The following LRMDA variants were observed in gnomAD, a reference collection of about 807,000 sequenced individuals.
The protein encoded by LRMDA is leucine rich melanocyte differentiation associated.
In LRMDA, 18 loss-of-function variants were observed where a neutral mutation model predicts 29.8. The ratio of observed to expected loss-of-function variants is 0.60; its 90% confidence interval spans 0.42 to 0.90. LRMDA has a LOEUF of 0.90. Ranked by LOEUF, LRMDA falls within the 40% of genes least tolerant of loss-of-function variation. The probability of loss-of-function intolerance (pLI) is 0.00; values close to 1 mark genes in which losing one functional copy is unlikely to be tolerated. For synonymous variants in LRMDA, 125 were observed against 109.4 expected, an observed-to-expected ratio of 1.14 and a Z score of -0.89; for missense variants, 273 against 273.9, an observed-to-expected ratio of 1.00 and a Z score of 0.02.
At chr10:75,683,438 C>T (rs1452888107) in intron 2 of LRMDA, among the ~76,000 whole-genome samples, 1 of 152,098 alleles carries the variant, frequency 6.6e-6, no homozygotes, top group Non-Finnish European at 1.5e-5. Flanking sequence ...GAGAACTGGG[C>T]AGGATTAATC....
chr10:75,897,988 A>AT (rs543232082), intron 2 of LRMDA, among the ~76,000 whole-genome samples: 87 of 150,378 alleles, frequency 5.8e-4, no homozygotes, highest in Admixed American at 2.1e-3. Context: ...CGCCTGGCTA[A>AT]TTTTTTTTTG....
At position 75,845,040 on chromosome 10, in the gene LRMDA, G is replaced by C. The variant is rs79272062; in HGVS notation, c.132-190968G>C. ...CTGAAAGTATAATTATATCATTCAT[G>C]TTAGGTGAAGGACAATTACTATAAT... is the stretch of plus-strand genomic sequence containing the variant. On this transcript the variant is annotated intron_variant, in intron 2 of 6. Transcript: ENST00000611255. 4.3e-3 allele frequency among the ~76,000 whole-genome samples: 648 copies of C among 152,234 alleles called. 5 individuals are homozygous for C. Among genetic ancestry groups the C allele is most frequent in the Middle Eastern group, 0.02 (6 of 294 alleles).
intron 2 of LRMDA, among the ~76,000 whole-genome samples, chr10:75,767,907 G>A (rs1843190375): frequency 6.6e-6 from 1 of 152,200 alleles, no homozygotes; most frequent in African/African-American, 2.4e-5. Context: ...ACCGAGACAT[G>A]GCAAAGAAAG....
chr10:75,560,121 G>A (rs1272929833), intron 2 of LRMDA, among the ~76,000 whole-genome samples: 3 of 151,496 alleles, frequency 2.0e-5, no homozygotes, highest in Non-Finnish European at 2.9e-5. Context: ...AATTACCTTG[G>A]GCAGTATGGC....
chr10:76,545,796 C>A (rs1381941191), intron 6 of LRMDA, among the ~76,000 whole-genome samples: 3 of 151,930 alleles, frequency 2.0e-5, no homozygotes, highest in Non-Finnish European at 4.4e-5. Flanking sequence ...TGATTTTAGA[C>A]AGTCTTGATT....
chr10:76,304,192 A>T (rs1275981123), intron 5 of LRMDA, among the ~76,000 whole-genome samples: 1 of 152,142 alleles, frequency 6.6e-6, no homozygotes, highest in Non-Finnish European at 1.5e-5. Flanking sequence ...GTATAACAAA[A>T]AGAAAGCTGA....
At chr10:75,454,947 G>A (rs1451777469) in intron 2 of LRMDA, among the ~76,000 whole-genome samples, 1 of 152,200 alleles carries the variant, frequency 6.6e-6, no homozygotes, top group Non-Finnish European at 1.5e-5. Flanking sequence ...AAGAATGACA[G>A]TAGGGGTAAA....
At chr10:76,080,179 C>T (rs867865592) in intron 5 of LRMDA, among the ~76,000 whole-genome samples, 5 of 152,192 alleles carry the variant, frequency 3.3e-5, no homozygotes, top group Admixed American at 2.0e-4. Flanking sequence ...ATCAATCCTT[C>T]GGTGCCCAAC....
chr10:75,797,966 C>T (rs1843681724), intron 2 of LRMDA, among the ~76,000 whole-genome samples: 1 of 152,102 alleles, frequency 6.6e-6, no homozygotes, highest in Non-Finnish European at 1.5e-5. Flanking sequence ...TCTCTACATC[C>T]CCCCAACATT....
chr10:76,151,349 A>T (rs1057264540), intron 5 of LRMDA, among the ~76,000 whole-genome samples: 2 of 152,206 alleles, frequency 1.3e-5, no homozygotes, highest in Non-Finnish European at 1.5e-5. Context: ...TTTCTAAAGC[A>T]GTTGCCTAAG....
chr10:75,666,846 A>G lies in LRMDA; in HGVS notation c.131+228352A>G, dbSNP rs559012751. Among the ~76,000 whole-genome samples the G allele has an allele frequency of 2.6e-4, 40 of 152,328 alleles. 1 individual carries two copies. The highest frequency in any genetic ancestry group is 7.3e-5 in the Non-Finnish European group (5 of 68,032). ...TACTACTTAATTATTTTTAAAATTC[A>G]TAATTAGGACCTAAGCTTAAAATTA... is the stretch of plus-strand genomic sequence containing the variant. On this transcript the variant is annotated intron_variant, in intron 2 of 6. Transcript: ENST00000611255.
chr10:76,503,523 C>T (rs1430880844), intron 6 of LRMDA, among the ~76,000 whole-genome samples: 1 of 149,016 alleles, frequency 6.7e-6, no homozygotes, highest in Non-Finnish European at 1.5e-5. Context: ...TTGTTCCGTT[C>T]AGGTTTTCAC....
At chr10:76,274,059 T>G (rs1339624370) in intron 5 of LRMDA, among the ~76,000 whole-genome samples, 1 of 152,186 alleles carries the variant, frequency 6.6e-6, no homozygotes, top group Admixed American at 6.5e-5. Context: ...TCATCATCAC[T>G]TAGTATCCCA....
intron 5 of LRMDA, among the ~76,000 whole-genome samples, chr10:76,116,011 A>T (rs941357858): frequency 6.6e-6 from 1 of 152,172 alleles, no homozygotes; most frequent in Non-Finnish European, 1.5e-5. Context: ...TGTGGGAAGC[A>T]CAGTGTGACA....
chr10:76,451,046 G>A (rs977620821), intron 6 of LRMDA, among the ~76,000 whole-genome samples: 1 of 152,086 alleles, frequency 6.6e-6, no homozygotes, highest in African/African-American at 2.4e-5. Context: ...GCTCATTTTT[G>A]AATAGGGATT....
At chr10:76,538,205 A>G (rs575555443) in intron 6 of LRMDA, among the ~76,000 whole-genome samples, 68 of 151,976 alleles carry the variant, frequency 4.5e-4, no homozygotes, top group Non-Finnish European at 7.8e-4. Context: ...ATATGATGAT[A>G]AAGAGACATA....
At chr10:75,901,129 G>A (rs374841665) in intron 2 of LRMDA, among the ~76,000 whole-genome samples, 37 of 152,304 alleles carry the variant, frequency 2.4e-4, no homozygotes, top group African/African-American at 7.7e-4. Context: ...GGAGGAAGAA[G>A]AGGAAGAGAG....
intron 5 of LRMDA, among the ~76,000 whole-genome samples, chr10:76,124,936 G>C (rs933921835): frequency 6.6e-6 from 1 of 152,150 alleles, no homozygotes; most frequent in African/African-American, 2.4e-5. Flanking sequence ...GCAGGGTTTG[G>C]GGGCCATACT....
At position 76,499,426 on chromosome 10, in the gene LRMDA, GTTCTTT is replaced by G. The variant is rs2132341489; in HGVS notation, c.602-57780_602-57775del. On this transcript the variant is annotated intron_variant, in intron 6 of 6. Coordinates refer to ENST00000611255, the MANE Select transcript of LRMDA (RefSeq NM_001305581.2). ...TATTATAGCCCATGTCAGTACTTCAGTTCTTTTTAGAGATGAATAATATTCTATTGT... is the reference window on the plus strand; with the variant it reads ...TATTATAGCCCATGTCAGTACTTCAGTTAGAGATGAATAATATTCTATTGT... Among the ~76,000 whole-genome samples, 2 of 75,610 alleles carry G rather than the reference GTTCTTT, an allele frequency of 2.6e-5. 1 individual carries two copies. Among genetic ancestry groups the G allele is most frequent in the African/African-American group, 6.4e-5 (2 of 31,170 alleles). The allele number at this position is 75,610 out of a possible 152,430, so 49.6% of individuals were successfully genotyped here. A position where few individuals can be genotyped will look rare whatever the true frequency, so the allele number is the denominator to read the frequency against.
Sources: allele counts gnomAD v4.1 joint callset (sites outside exome capture counted in the v4.1 genomes callset), GRCh38; gene constraint gnomAD v4.1.1; transcripts MANE v1.5; gene names NCBI Gene and HGNC (gene_info 2026-07-23, HGNC 2026-07-21).